The following BTLA variants were observed in gnomAD, a reference collection of about 807,000 sequenced individuals.
BTLA encodes B- and T-lymphocyte attenuator.
Under a neutral mutation model 25.0 loss-of-function variants are expected in BTLA, and 11 were observed. The observed-to-expected ratio is 0.44, with a 90% CI of 0.28 to 0.73. The LOEUF is 0.73. Ranked by LOEUF, BTLA falls within the 30% of genes least tolerant of loss-of-function variation. The pLI is 0.15. For synonymous variants in BTLA, 104 were observed against 119.8 expected (o/e 0.87, Z 0.86); for missense variants, 282 against 332.8 (o/e 0.85, Z 1.19).
At chr3:112,492,959 C>A (rs2082387858) in intron 1 of BTLA, among the ~76,000 whole-genome samples, 1 of 152,192 alleles carries the variant, frequency 6.6e-6, no homozygotes, top group African/African-American at 2.4e-5. Context: ...CTCTTCTGGA[C>A]TCTGTTCTAA....
chr3:112,474,001 C>T (rs1277249138), intron 2 of BTLA, among the ~76,000 whole-genome samples: 1 of 152,048 alleles, frequency 6.6e-6, no homozygotes, highest in Non-Finnish European at 1.5e-5. Flanking sequence ...AGGGCTGTTC[C>T]CCAGCTCTGT....
At chr3:112,486,589 A>T (rs1245577197) in intron 1 of BTLA, among the ~76,000 whole-genome samples, 1 of 152,232 alleles carries the variant, frequency 6.6e-6, no homozygotes, top group East Asian at 1.9e-4. Flanking sequence ...TTATGTAAAT[A>T]GTTGTCCAAT....
At chr3:112,478,902 A>G (rs1481923245) in intron 2 of BTLA, among the ~76,000 whole-genome samples, 1 of 152,134 alleles carries the variant, frequency 6.6e-6, no homozygotes, top group Non-Finnish European at 1.5e-5. Context: ...CTTTCGGGGA[A>G]CAGGGAAGAG....
Position 112,471,308 on chromosome 3 carries a change from T to C in BTLA, c.451A>G (p.Arg151Gly). The change falls in exon 3 of 5, where the codon AGA (arginine) becomes GGA (glycine). Residue 151 changes from arginine to glycine, a missense_variant. By Grantham distance (125) the Arg-to-Gly change is moderately radical. Transcript: ENST00000334529. The stretch of plus-strand genomic sequence containing the variant: ...AGTAAACGATACAGGAGCCAGGGTC[T>C]GCTTGCCATTTCGTCCTTGGAGGGT... ...ERPSKDEMAS[R>G]PWLLYRLLPL... is the part of the protein sequence containing the mutation. 2 of 1,614,086 alleles carry C rather than the reference T, an allele frequency of 1.2e-6. No individual in the cohort carries two copies. The highest frequency in any genetic ancestry group is 8.5e-7 in the Non-Finnish European group (1 of 1,179,950).
intron 3 of BTLA, among the ~76,000 whole-genome samples, chr3:112,470,989 A>G (rs1312125658): frequency 6.6e-6 from 1 of 152,226 alleles, no homozygotes; most frequent in Non-Finnish European, 1.5e-5. Context: ...CTCTAGCTGG[A>G]ATACTGTGCG....
chr3:112,474,791 T>C (rs563797212), intron 2 of BTLA, among the ~76,000 whole-genome samples: 6 of 152,310 alleles, frequency 3.9e-5, no homozygotes, highest in African/African-American at 1.4e-4. Context: ...AAGAGCAGCA[T>C]ACACAGGGCA....
Position 112,485,585 on chromosome 3 carries a change from C to T in BTLA, c.89-5816G>A, listed in dbSNP as rs574892682. Among the ~76,000 whole-genome samples, 414 of 151,600 alleles carry T rather than the reference C, an allele frequency of 2.7e-3. 2 individuals are homozygous for T. The highest frequency in any genetic ancestry group is 4.6e-3 in the Non-Finnish European group (312 of 67,832). ...TTTTTTATTTATGTATTTTTTGAGACGGAGTTTTGCTCTTGTTGCCCAGGC... is the reference window on the plus strand; with the variant it reads ...TTTTTTATTTATGTATTTTTTGAGATGGAGTTTTGCTCTTGTTGCCCAGGC... On this transcript the variant is annotated intron_variant, in intron 1 of 4. Coordinates refer to ENST00000334529, the MANE Select transcript of BTLA (RefSeq NM_181780.4).
intron 1 of BTLA, among the ~76,000 whole-genome samples, chr3:112,486,061 G>A (rs529813414): frequency 6.6e-6 from 1 of 152,242 alleles, no homozygotes; most frequent in Non-Finnish European, 1.5e-5. Context: ...AGCTTCCAAT[G>A]AGCCTAGATC....
intron 4 of BTLA, 119 bp from the exon 5 acceptor site, chr3:112,466,502 C>G: frequency 1.1e-6 from 1 of 873,044 alleles, no homozygotes; most frequent in Non-Finnish European, 1.6e-6. Context: ...AAATAATCTA[C>G]TGTTCCTCAC....
intron 1 of BTLA, among the ~76,000 whole-genome samples, chr3:112,483,128 G>A (rs1320530979): frequency 1.4e-5 from 2 of 145,228 alleles, no homozygotes; most frequent in South Asian, 2.2e-4. Context: ...ATCTAACAAA[G>A]AGGGCACCTT....
chr3:112,472,485 T>A (rs543725969), intron 2 of BTLA, among the ~76,000 whole-genome samples: 2 of 152,134 alleles, frequency 1.3e-5, no homozygotes, highest in African/African-American at 4.8e-5. Context: ...TCACTTGAGA[T>A]CAGGAGTTCG....
intron 1 of BTLA, among the ~76,000 whole-genome samples, chr3:112,486,951 G>A (rs2082350962): frequency 6.6e-6 from 1 of 152,158 alleles, no homozygotes; most frequent in Admixed American, 6.5e-5. Context: ...ATGTTGAAAG[G>A]CTGGAGTATG....
Position 112,479,770 on chromosome 3 carries a change from C to T in BTLA, c.89-1G>A. On this transcript the variant is annotated splice_acceptor_variant, in intron 1 of 4. Coordinates refer to ENST00000334529, the MANE Select transcript of BTLA (RefSeq NM_181780.4). LOFTEE classifies it high-confidence loss of function. ...AGCTGTACATCACATGATTCTTTCC[C>T]TAAAAGATAAAAACAAAACTAAAAT... is the stretch of plus-strand genomic sequence containing the variant. 1 of 1,574,078 alleles carries T rather than the reference C, an allele frequency of 6.4e-7. No individual in the cohort carries two copies. The highest frequency in any genetic ancestry group is 8.6e-7 in the Non-Finnish European group (1 of 1,160,352).
At chr3:112,468,983 T>C (rs1281458383) in intron 4 of BTLA, among the ~76,000 whole-genome samples, 2 of 152,220 alleles carry the variant, frequency 1.3e-5, no homozygotes, top group African/African-American at 4.8e-5. Flanking sequence ...TCACTATTCC[T>C]CCTTATTGAA....
chr3:112,499,471 C>CAAAA lies in BTLA; in HGVS notation c.-114_-113insTTTT. ...TACCCCAGTGGCATCTGTGAAATAACTAAAAAAAAAAAAAAAAGAAGAGAG... is the reference window on the plus strand; with the variant it reads ...TACCCCAGTGGCATCTGTGAAATAACAAAATAAAAAAAAAAAAAAAAGAAGAGAG... On this transcript the variant is annotated 5_prime_UTR_variant, in exon 1 of 5. Transcript: ENST00000334529. 2.9e-6 allele frequency: 1 copy of CAAAA among 344,632 alleles called. No individual in the cohort carries two copies. Among genetic ancestry groups the CAAAA allele is most frequent in the Admixed American group, 6.2e-5 (1 of 16,006 alleles). The allele number at this position is 344,632 out of a possible 1,614,324, so 21.3% of individuals were successfully genotyped here.
chr3:112,469,778 C>A lies in BTLA; in HGVS notation c.574G>T (p.Ala192Ser). The change falls in exon 4 of 5, where the codon GCA (alanine) becomes TCA (serine). Residue 192 changes from alanine (A) to serine (S), a missense_variant. Physicochemically the swap from Ala to Ser is moderately conservative, Grantham distance 99. Transcript: ENST00000334529. ...QGKQNELSDT[A>S]GREINLVDAH... ...CTTACCAGGTTAATTTCCCTTCCTGCTGTGTCAGAGAGTTCATTTTGCTTT... is the reference window on the plus strand; with the variant it reads ...CTTACCAGGTTAATTTCCCTTCCTGATGTGTCAGAGAGTTCATTTTGCTTT... 1 of 1,608,776 alleles carries A rather than the reference C, an allele frequency of 6.2e-7. No individual in the cohort carries two copies. The highest frequency in any genetic ancestry group is 8.5e-7 in the Non-Finnish European group (1 of 1,178,406).
chr3:112,498,568 C>CTTTTTTTTT (rs34606026), intron 1 of BTLA, among the ~76,000 whole-genome samples: 3 of 83,878 alleles, frequency 3.6e-5, no homozygotes, highest in African/African-American at 5.3e-5. Flanking sequence ...AAGAAATTGC[C>CTTTTTTTTT]TTTTTTTTTT....
At chr3:112,468,432 CT>C (rs2082241931) in intron 4 of BTLA, among the ~76,000 whole-genome samples, 1 of 152,110 alleles carries the variant, frequency 6.6e-6, no homozygotes, top group African/African-American at 2.4e-5. Context: ...ATATGGTATC[CT>C]TTTGATTATT....
chr3:112,477,358 T>TTG (rs2082294349), intron 2 of BTLA, among the ~76,000 whole-genome samples: 1 of 1,214 alleles, frequency 8.2e-4, no homozygotes, highest in African/African-American at 9.3e-4. Flanking sequence ...ATTTTCTGTG[T>TTG]TTTTTTTTTT....
Sources: gnomAD v4.1 joint callset for allele counts (sites outside exome capture counted in the v4.1 genomes callset) on GRCh38, gnomAD v4.1.1 for gene constraint, MANE v1.5 for transcripts, NCBI Gene and HGNC (gene_info 2026-07-23, HGNC 2026-07-21) for gene names.